TBC1D22A: variants seen among roughly 807,000 people sequenced by gnomAD.
TBC1D22A encodes the protein putative GTPase activator.
TBC1D22A carries 38 observed loss-of-function variants against 60.2 expected under a neutral mutation model. That is an observed-to-expected ratio of 0.63 (90% CI 0.49 to 0.83). TBC1D22A has a LOEUF of 0.83. Ranked by LOEUF, TBC1D22A falls within the 40% of genes least tolerant of loss-of-function variation. The pLI, the probability that TBC1D22A is intolerant of heterozygous loss-of-function variation, is 0.00. For missense variants in TBC1D22A, 628 were observed against 701.0 expected (o/e 0.90, Z 1.18); for synonymous variants, 302 against 281.7 (o/e 1.07, Z -0.72).
intron 11 of TBC1D22A, among the ~76,000 whole-genome samples, chr22:47,072,844 A>AGGCAG: frequency 6.6e-6 from 1 of 152,196 alleles, no homozygotes; most frequent in Admixed American, 6.5e-5. Flanking sequence ...GGTCTTGTTC[A>AGGCAG]TCAGACCTGC....
Position 47,064,914 on chromosome 22 carries a change from G to A in TBC1D22A, c.1329+27716G>A, listed in dbSNP as rs564088887. Among the ~76,000 whole-genome samples, 9 of 152,282 alleles carry A rather than the reference G, an allele frequency of 5.9e-5. No individual in the cohort carries two copies. In the South Asian group the frequency reaches 1.4e-3, roughly 25 times the overall value. On this transcript the variant is annotated intron_variant, in intron 11 of 12. Coordinates refer to ENST00000337137, the MANE Select transcript of TBC1D22A (RefSeq NM_014346.5). ...AAATGGATTGTACACTTTAATCATT[G>A]TCATTATAAAGAGGCAGTTTCTAAG... is the stretch of plus-strand genomic sequence containing the variant.
intron 11 of TBC1D22A, among the ~76,000 whole-genome samples, chr22:47,043,231 T>C (rs1603137928): frequency 1.3e-5 from 2 of 152,114 alleles, no homozygotes; most frequent in Non-Finnish European, 2.9e-5. Context: ...GGGTCCTGAA[T>C]TGAGATCTGT....
intron 1 of TBC1D22A, among the ~76,000 whole-genome samples, chr22:46,770,325 G>A (rs1327914494): frequency 6.6e-6 from 1 of 152,246 alleles, no homozygotes; most frequent in Non-Finnish European, 1.5e-5. Flanking sequence ...GAGTGAGCAG[G>A]AAAGGGGTTC....
intron 8 of TBC1D22A, among the ~76,000 whole-genome samples, chr22:46,916,659 T>A (rs2070387969): frequency 6.6e-6 from 1 of 152,190 alleles, no homozygotes; most frequent in Non-Finnish European, 1.5e-5. Context: ...AATCAACCTT[T>A]GTTTGAGTGG....
At chr22:47,097,676 C>T (rs2065239139) in intron 11 of TBC1D22A, among the ~76,000 whole-genome samples, 1 of 152,110 alleles carries the variant, frequency 6.6e-6, no homozygotes, top group Non-Finnish European at 1.5e-5. Flanking sequence ...AGATAATTGA[C>T]ATCTTTTCCA....
At chr22:46,963,197 C>T (rs1209758796) in intron 8 of TBC1D22A, among the ~76,000 whole-genome samples, 16 of 147,872 alleles carry the variant, frequency 1.1e-4, no homozygotes, top group Non-Finnish European at 1.9e-4. Flanking sequence ...CACTATAGCC[C>T]GGGTGACAGA....
rs116081581 is a variant in TBC1D22A at position 46,878,427 on chromosome 22, G to C, written c.638-226G>C. On this transcript the variant is annotated intron_variant, in intron 4 of 12. Coordinates refer to ENST00000337137, the MANE Select transcript of TBC1D22A (RefSeq NM_014346.5). ...CCTCACGTGTTCCAGGGTAGCTCCAGGATTCTGTTGTAAACAGGTAACCTG... is the reference window on the plus strand; with the variant it reads ...CCTCACGTGTTCCAGGGTAGCTCCACGATTCTGTTGTAAACAGGTAACCTG... 2.2e-3 allele frequency among the ~76,000 whole-genome samples: 311 copies of C among 139,740 alleles called. 1 individual carries two copies. Among genetic ancestry groups the C allele is most frequent in the African/African-American group, 7.8e-3 (298 of 38,372 alleles). 91.7% of individuals were successfully genotyped at this position (139,740 alleles called of 152,430 possible).
At chr22:46,788,620 C>T (rs555641527) in intron 1 of TBC1D22A, among the ~76,000 whole-genome samples, 61 of 152,304 alleles carry the variant, frequency 4.0e-4, no homozygotes, top group African/African-American at 1.5e-3. Flanking sequence ...GTCCTCAGCA[C>T]CCAGGACAGT....
intron 1 of TBC1D22A, among the ~76,000 whole-genome samples, chr22:46,781,914 C>T (rs1014965424): frequency 2.0e-5 from 3 of 152,348 alleles, no homozygotes; most frequent in African/African-American, 7.2e-5. Flanking sequence ...CTGCCTTGCT[C>T]ACTACTAACC....
chr22:46,886,199 A>G (rs926035622), intron 5 of TBC1D22A, among the ~76,000 whole-genome samples: 2 of 152,164 alleles, frequency 1.3e-5, no homozygotes, highest in African/African-American at 4.8e-5. Context: ...GCGCCCGGCC[A>G]GTCACTGTTA....
intron 8 of TBC1D22A, among the ~76,000 whole-genome samples, chr22:46,931,432 G>A (rs1242877348): frequency 1.3e-5 from 2 of 152,212 alleles, no homozygotes; most frequent in Non-Finnish European, 2.9e-5. Context: ...GGCTCTAAGA[G>A]GAAATAAACC....
chr22:46,848,920 C>A (rs1353766095), intron 4 of TBC1D22A, among the ~76,000 whole-genome samples: 1 of 150,988 alleles, frequency 6.6e-6, no homozygotes, highest in Non-Finnish European at 1.5e-5. Context: ...TATGACATTT[C>A]ATTGCTGGTA....
intron 11 of TBC1D22A, among the ~76,000 whole-genome samples, chr22:47,085,417 GATAA>G (rs1484159369): frequency 6.6e-6 from 1 of 152,116 alleles, no homozygotes; most frequent in African/African-American, 2.4e-5. Flanking sequence ...CTATGGATTA[GATAA>G]ATATTTTATC....
At chr22:46,831,840 C>T (rs778384631) in intron 4 of TBC1D22A, among the ~76,000 whole-genome samples, 1 of 152,190 alleles carries the variant, frequency 6.6e-6, no homozygotes, top group South Asian at 2.1e-4. Context: ...AGCGATAGAT[C>T]ATCGTGGCGA....
At chr22:46,957,379 A>AAACTT (rs2073256423) in intron 8 of TBC1D22A, among the ~76,000 whole-genome samples, 1 of 152,232 alleles carries the variant, frequency 6.6e-6, no homozygotes, top group Non-Finnish European at 1.5e-5. Flanking sequence ...AGGCCTTAGG[A>AAACTT]AACTTACAAT....
chr22:47,090,097 T>TG lies in TBC1D22A; in HGVS notation c.1330-21404dup, dbSNP rs528536074. The stretch of plus-strand genomic sequence containing the variant: ...CTAGGTCTGTGGGGTCCCAGAGGGG[T>TG]GGGGGGGCGGTCCTCATCTCTAGAA... On this transcript the variant is annotated intron_variant, in intron 11 of 12. Coordinates refer to ENST00000337137, the MANE Select transcript of TBC1D22A (RefSeq NM_014346.5). Among the ~76,000 whole-genome samples the TG allele has an allele frequency of 6.1e-3, 918 of 151,602 alleles. 11 individuals carry two copies. The highest frequency in any genetic ancestry group is 0.021 in the African/African-American group (881 of 41,314).
At chr22:46,915,818 TG>T (rs764336904) in intron 8 of TBC1D22A, 1 of 456,168 alleles carries the variant, frequency 2.2e-6, no homozygotes, top group Non-Finnish European at 4.4e-6. Flanking sequence ...TCACGGGAGG[TG>T]GGGAATCCTG....
At chr22:46,864,481 G>T (rs1321417024) in intron 4 of TBC1D22A, among the ~76,000 whole-genome samples, 1 of 152,188 alleles carries the variant, frequency 6.6e-6, no homozygotes, top group Non-Finnish European at 1.5e-5. Context: ...CCAAAGGCTG[G>T]AGAGGAAAAG....
chr22:46,991,742 TG>T (rs2074948324), intron 9 of TBC1D22A, among the ~76,000 whole-genome samples: 1 of 152,202 alleles, frequency 6.6e-6, no homozygotes. Context: ...GAGCATTGCC[TG>T]GGTCTCACCG....
Sources: allele counts gnomAD v4.1 joint callset (sites outside exome capture counted in the v4.1 genomes callset), GRCh38; gene constraint gnomAD v4.1.1; transcripts MANE v1.5; gene names NCBI Gene and HGNC (gene_info 2026-07-23, HGNC 2026-07-21).